The following SHISAL2A variants were observed in gnomAD, a reference collection of about 807,000 sequenced individuals.
SHISAL2A encodes shisa like 2A, also known as protein shisa-like-2A.
SHISAL2A carries 18 observed loss-of-function variants against 11.5 expected under a neutral mutation model. The ratio of observed to expected loss-of-function variants is 1.57; its 90% CI spans 1.08 to 2.33. The LOEUF is 2.33. Ranked by LOEUF, SHISAL2A falls within the 30% of genes most tolerant of loss-of-function variation. The probability of loss-of-function intolerance (pLI) is 0.00; values close to 1 mark genes in which losing one functional copy is unlikely to be tolerated. For missense variants in SHISAL2A, 261 were observed against 250.9 expected, an observed-to-expected ratio of 1.04 and a Z score of -0.27; for synonymous variants, 94 against 99.6, an observed-to-expected ratio of 0.94 and a Z score of 0.34.
Position 52,633,734 on chromosome 1 carries a change from C to T in SHISAL2A, c.182+59C>T. 4 of 1,416,512 alleles carry T rather than the reference C, an allele frequency of 2.8e-6. No homozygotes were observed. The highest frequency in any genetic ancestry group is 3.9e-6 in the Non-Finnish European group (4 of 1,017,396). 87.7% of individuals were successfully genotyped at this position (1,416,512 alleles called of 1,614,324 possible). ...CCACTCCAGTCTCAGCGCCTTCACC[C>T]CAGCCTCAGCCCCCACCCGAGTGTC... On this transcript the variant is annotated intron_variant, in intron 1 of 2. Transcript: ENST00000517870. The surrounding 1 kb of genome is among the most constrained non-coding windows in gnomAD (Gnocchi z 6.4).
chr1:52,635,986 A>C (rs999884413), intron 1 of SHISAL2A, among the ~76,000 whole-genome samples: 1 of 152,252 alleles, frequency 6.6e-6, no homozygotes, highest in African/African-American at 2.4e-5. Flanking sequence ...GCACTTTCAC[A>C]ACATTCACCT....
chr1:52,661,725 G>GTGACAAGCCCTTAGAA (rs1691909903), downstream of SHISAL2A, among the ~76,000 whole-genome samples: 1 of 152,140 alleles, frequency 6.6e-6, no homozygotes, highest in Admixed American at 6.5e-5. Context: ...GCCCACCACT[G>GTGACAAGCCCTTAGAA]TGACAAGCCC....
intron 4 of SHISAL2A, among the ~76,000 whole-genome samples, chr1:52,665,736 T>C (rs1021328486): frequency 1.7e-4 from 25 of 149,610 alleles, no homozygotes; most frequent in African/African-American, 6.1e-4. Context: ...TCAAGCACCA[T>C]CCCCCCCCAC....
chr1:52,642,748 T>C (rs1367938250), intron 1 of SHISAL2A, 115 bp from the exon 2 acceptor site: 1 of 1,106,560 alleles, frequency 9.0e-7, no homozygotes, highest in African/African-American at 1.6e-5. Flanking sequence ...AATATTTTTA[T>C]TCTGTACATT....
Position 52,651,806 on chromosome 1 carries a change from T to C in SHISAL2A, c.323-4984T>C, listed in dbSNP as rs1691655192. Among the ~76,000 whole-genome samples, 3 of 152,242 alleles carry C rather than the reference T, an allele frequency of 2.0e-5. No homozygotes were observed. In the South Asian group the frequency reaches 6.2e-4, roughly 31 times the overall value. ...ATTAATACAGAATGGAAAAAATTAGTACTTAATAAATGCAGTCTATTATGT... is the reference window on the plus strand; with the variant it reads ...ATTAATACAGAATGGAAAAAATTAGCACTTAATAAATGCAGTCTATTATGT... On this transcript the variant is annotated intron_variant, in intron 2 of 2. Transcript: ENST00000517870.
intron 2 of SHISAL2A, among the ~76,000 whole-genome samples, chr1:52,652,077 A>G (rs1229008506): frequency 6.6e-6 from 1 of 152,180 alleles, no homozygotes; most frequent in African/African-American, 2.4e-5. Flanking sequence ...TGTGAGATGG[A>G]CTTTGACCAA....
intron 2 of SHISAL2A, among the ~76,000 whole-genome samples, chr1:52,647,565 G>A (rs1158774806): frequency 1.3e-5 from 2 of 152,072 alleles, no homozygotes; most frequent in African/African-American, 4.8e-5. Context: ...ATACATCCAG[G>A]CCAGGCACTG....
At chr1:52,634,167 C>T (rs1416444398) in intron 1 of SHISAL2A, among the ~76,000 whole-genome samples, 2 of 152,196 alleles carry the variant, frequency 1.3e-5, no homozygotes, top group Non-Finnish European at 2.9e-5. Context: ...CTCTTCTGTC[C>T]TGCCTGCAGT....
exon 5 of SHISAL2A, chr1:52,667,550 G>A: frequency 8.3e-6 from 2 of 239,744 alleles, no homozygotes; most frequent in Non-Finnish European, 6.7e-6. Context: ...GTTGCTTTTA[G>A]CTCACTGGAG....
chr1:52,655,466 A>AG, intron 2 of SHISAL2A, among the ~76,000 whole-genome samples: 2 of 145,978 alleles, frequency 1.4e-5, no homozygotes, highest in African/African-American at 5.3e-5. Flanking sequence ...AAAAAAAAAA[A>AG]AAAAAAAAAA....
chr1:52,658,495 G>T (rs1209555772), downstream of SHISAL2A, among the ~76,000 whole-genome samples: 1 of 152,142 alleles, frequency 6.6e-6, no homozygotes, highest in East Asian at 1.9e-4. Flanking sequence ...TCACTTACTT[G>T]CTAGGTAACC....
chr1:52,633,424 T>G lies in SHISAL2A; in HGVS notation c.-70T>G. On this transcript the variant is annotated 5_prime_UTR_variant, in exon 1 of 3. Coordinates refer to ENST00000517870, the MANE Select transcript of SHISAL2A (RefSeq NM_001042693.3). The surrounding 1 kb of genome is among the most constrained non-coding windows in gnomAD (Gnocchi z 6.4). The stretch of plus-strand genomic sequence containing the variant: ...GCTCAGCTCCGTCTCGCTCGGTCCC[T>G]CGCTTCCCCGCCGGGCTCTAGCCGG... 2 of 1,349,466 alleles carry G rather than the reference T, an allele frequency of 1.5e-6. No homozygotes were observed. Among genetic ancestry groups the G allele is most frequent in the Non-Finnish European group, 1.9e-6 (2 of 1,038,108 alleles). The allele number at this position is 1,349,466 out of a possible 1,614,324, so 83.6% of individuals were successfully genotyped here. A position where few individuals can be genotyped will look rare whatever the true frequency, so the allele number is the denominator to read the frequency against.
intron 2 of SHISAL2A, among the ~76,000 whole-genome samples, chr1:52,649,305 C>A (rs1039375730): frequency 1.3e-5 from 2 of 152,070 alleles, no homozygotes; most frequent in Non-Finnish European, 2.9e-5. Context: ...CAGAGGAAAC[C>A]AAGGCTCAGC....
At chr1:52,660,296 T>G (rs1021717305), downstream of SHISAL2A, among the ~76,000 whole-genome samples, 1 of 152,148 alleles carries the variant, frequency 6.6e-6, no homozygotes, top group Non-Finnish European at 1.5e-5. Flanking sequence ...CTACACATCC[T>G]AGGCCTCATA....
chr1:52,642,594 A>T (rs1024140450), intron 1 of SHISAL2A, among the ~76,000 whole-genome samples: 1 of 152,004 alleles, frequency 6.6e-6, no homozygotes, highest in Non-Finnish European at 1.5e-5. Flanking sequence ...TACCACATCC[A>T]GCTAAGTTTT....
In SHISAL2A at chr1:52,656,234, G is replaced by GT. The variant is rs752582938; in HGVS notation, c.323-553dup. Among the ~76,000 whole-genome samples, 12 of 152,290 alleles carry GT rather than the reference G, an allele frequency of 7.9e-5. No homozygotes were observed. The South Asian group carries it at 2.3e-3, about 29-fold the overall frequency. On this transcript the variant is annotated intron_variant, in intron 2 of 2. Transcript: ENST00000517870. ...GATAAGGATTTAGAAGTGACTATGG[G>GT]TTTAGTGACAAATAGTTTGAAGGTA... is the stretch of plus-strand genomic sequence containing the variant.
At chr1:52,668,537 C>T (rs796661036) in intron 5 of SHISAL2A, 4 of 152,394 alleles carry the variant, frequency 2.6e-5, no homozygotes, top group African/African-American at 9.6e-5. Context: ...TTCTATGTGT[C>T]CATCTCGCCA....
chr1:52,662,688 A>G (rs997915582), intron 4 of SHISAL2A, among the ~76,000 whole-genome samples: 2 of 151,926 alleles, frequency 1.3e-5, no homozygotes, highest in African/African-American at 4.8e-5. Flanking sequence ...TAGGGCTCCA[A>G]GGGCTCTGGA....
At chr1:52,646,430 T>C (rs1016336775) in intron 2 of SHISAL2A, among the ~76,000 whole-genome samples, 2 of 151,826 alleles carry the variant, frequency 1.3e-5, no homozygotes, top group African/African-American at 2.4e-5. Context: ...AATATGACAC[T>C]GTATGTGAAG....
Sources: allele counts gnomAD v4.1 joint callset (sites outside exome capture counted in the v4.1 genomes callset), GRCh38; gene constraint gnomAD v4.1.1; non-coding constraint Gnocchi (gnomAD v3.1); transcripts MANE v1.5; gene names NCBI Gene and HGNC (gene_info 2026-07-23, HGNC 2026-07-21).